The following ATF6B variants were observed in gnomAD, a reference collection of about 807,000 sequenced individuals.
ATF6B encodes cyclic AMP-dependent transcription factor ATF-6 beta.
Under a neutral mutation model 83.5 loss-of-function variants are expected in ATF6B, and 50 were observed. The ratio of observed to expected loss-of-function variants is 0.60; its 90% CI spans 0.48 to 0.76. The LOEUF is 0.76. Among genes scored for constraint, ATF6B ranks in the 30% least tolerant of loss-of-function variants. The probability of loss-of-function intolerance (pLI) is 0.00; values close to 1 mark genes in which losing one functional copy is unlikely to be tolerated. For missense variants in ATF6B, 790 were observed against 893.8 expected, an observed-to-expected ratio of 0.88 and a Z score of 1.48; for synonymous variants, 344 against 362.8, an observed-to-expected ratio of 0.95 and a Z score of 0.59.
intron 1 of ATF6B, 115 bp downstream of exon 1, chr6:32,128,002 C>G (rs745932042): frequency 2.9e-5 from 37 of 1,290,978 alleles, no homozygotes; most frequent in Non-Finnish European, 3.9e-5. Flanking sequence ...CTGCTCCGCT[C>G]TCCTTCAGAT....
intron 5 of ATF6B, 34 bp downstream of exon 5, chr6:32,126,083 A>G (rs1204270002): frequency 6.2e-7 from 1 of 1,613,546 alleles, no homozygotes; most frequent in South Asian, 1.1e-5. Flanking sequence ...CTCCCGTAGT[A>G]GAGCCAAGGA....
At chr6:32,124,537 A>G (rs964454591) in intron 5 of ATF6B, among the ~76,000 whole-genome samples, 1 of 151,988 alleles carries the variant, frequency 6.6e-6, no homozygotes, top group Non-Finnish European at 1.5e-5. Context: ...CTTCCTAATC[A>G]TATTACTTCC....
chr6:32,117,919 T>C lies in ATF6B; in HGVS notation c.1364A>G (p.Gln455Arg), dbSNP rs1203988334. 6.2e-7 allele frequency: 1 copy of C among 1,606,914 alleles called. No homozygotes were observed. Among genetic ancestry groups the C allele is most frequent in the East Asian group, 2.2e-5 (1 of 44,860 alleles). The change falls in exon 12 of 18, where the codon CAG becomes CGG. Residue 455 changes from glutamine (Q) to arginine (R), a missense_variant. This residue lies in a region of ATF6B where 530 missense variants were observed against 632.6 expected (regional missense o/e 0.84). Transcript: ENST00000375203. The surrounding 1 kb of genome is among the most constrained non-coding windows in gnomAD (Gnocchi z 5.0). ...CTCCTTAGGGCCCTGGGAGGACCCC[T>C]GGAGAGGTTCAACTCCCTGAACTGG... Reference protein sequence around the residue: ...QEPVQGVEPLQGSSQGPKEPQ... With the variant: ...QEPVQGVEPLRGSSQGPKEPQ...
chr6:32,115,983 G>A lies in ATF6B; in HGVS notation c.1883-15C>T. 6.2e-7 allele frequency: 1 copy of A among 1,603,080 alleles called. No individual in the cohort carries two copies. The highest frequency in any genetic ancestry group is 8.5e-7 in the Non-Finnish European group (1 of 1,171,510). ...TGACAGGGTCTCTGTGAGAAGGGGA[G>A]AGTTAAGGAAGAGGAGATGGGGAGG... On this transcript the variant is annotated splice_polypyrimidine_tract_variant and intron_variant, in intron 17 of 17. Transcript: ENST00000375203.
Position 32,123,981 on chromosome 6 carries a change from A to C in ATF6B, c.478+2136T>G, listed in dbSNP as rs1389909621. ...GCACTTTGGGAGCCAAAGTGGGTGG[A>C]TCACCTGAGGTCGGGAATTCAAGAC... is the stretch of plus-strand genomic sequence containing the variant. On this transcript the variant is annotated intron_variant, in intron 5 of 17. Coordinates refer to ENST00000375203, the MANE Select transcript of ATF6B (RefSeq NM_004381.5). Among the ~76,000 whole-genome samples the C allele has an allele frequency of 2.6e-5, 4 of 152,156 alleles. No individual in the cohort carries two copies. In the East Asian group the frequency reaches 7.7e-4, roughly 29 times the overall value.
chr6:32,116,961 A>G lies in ATF6B; in HGVS notation c.1685+76T>C. 1.9e-6 allele frequency: 3 copies of G among 1,559,532 alleles called. No individual in the cohort carries two copies. The highest frequency in any genetic ancestry group is 2.6e-6 in the Non-Finnish European group (3 of 1,132,328). ...CCCACTGGTGACAGTAATGACAGGC[A>G]CAGGACAGCTACTGGGGGTACAGCT... On this transcript the variant is annotated intron_variant, in intron 15 of 17. Transcript: ENST00000375203. This position sits in a 1 kb window ranked among gnomAD's most constrained non-coding sequence, Gnocchi z 5.1.
chr6:32,117,598 A>G lies in ATF6B; in HGVS notation c.1521T>C (p.Thr507=). ...AATGAATCCCACACCTCAGGGACTCAGTGCGGTTGAAGTGCCGGCAATCAG... is the reference window on the plus strand; with the variant it reads ...AATGAATCCCACACCTCAGGGACTCGGTGCGGTTGAAGTGCCGGCAATCAG... ...LSSDCRHFNR[T]ESLRLADELS... Residue 507 remains threonine, a synonymous_variant, in exon 13 of 18, where the codon ACT becomes ACC. Transcript: ENST00000375203. The surrounding 1 kb of genome is among the most constrained non-coding windows in gnomAD (Gnocchi z 5.0). 6.2e-7 allele frequency: 1 copy of G among 1,614,048 alleles called. No homozygotes were observed. The highest frequency in any genetic ancestry group is 8.5e-7 in the Non-Finnish European group (1 of 1,179,930).
rs1391936063 is a variant in ATF6B at position 32,127,201 on chromosome 6, G to A, written c.251-7C>T. On this transcript the variant is annotated splice_region_variant and splice_polypyrimidine_tract_variant and intron_variant, in intron 3 of 17. Transcript: ENST00000375203. The stretch of plus-strand genomic sequence containing the variant: ...TCAGACTTCACCTGAAGATCTGGAG[G>A]AAAGGGAGTTAGAAATTATCAGGAA... The A allele has an allele frequency of 4.4e-6, 7 of 1,603,450 alleles. No individual in the cohort carries two copies. Among genetic ancestry groups the A allele is most frequent in the Non-Finnish European group, 2.6e-6 (3 of 1,174,806 alleles).
rs755489767 is a variant in ATF6B, at chr6:32,115,438, C to T, written c.*301G>A. The T allele has an allele frequency of 4.9e-5, 11 of 223,642 alleles. No homozygotes were observed. The highest frequency in any genetic ancestry group is 7.6e-5 in the Non-Finnish European group (9 of 117,676). 13.9% of individuals were successfully genotyped at this position (223,642 alleles called of 1,614,324 possible). On this transcript the variant is annotated 3_prime_UTR_variant, in exon 18 of 18. Transcript: ENST00000375203. ...AATTCCCACCTCCACTGCCATAACA[C>T]TAGAGAAACAAAATAAAAAATATGC...
intron 1 of ATF6B, 23 bp from the exon 2 acceptor site, chr6:32,127,773 G>C: frequency 6.2e-7 from 1 of 1,613,284 alleles, no homozygotes; most frequent in Admixed American, 1.7e-5. Context: ...CTGAGCGTCG[G>C]GGGGTCGTTC....
In ATF6B at chr6:32,116,625, C is replaced by G. The variant is rs537291016; in HGVS notation, c.1798-61G>C. The G allele has an allele frequency of 3.9e-5, 63 of 1,603,326 alleles. No homozygotes were observed. The South Asian group carries it at 6.1e-4, about 15-fold the overall frequency. On this transcript the variant is annotated intron_variant, in intron 16 of 17. Transcript: ENST00000375203. The surrounding 1 kb of genome is among the most constrained non-coding windows in gnomAD (Gnocchi z 5.1). ...GCAAAGATGCCAACAAGCTCCCCAG[C>G]CCTACTCTACATCCCCCCACTGAAG...
chr6:32,128,019 T>A, intron 1 of ATF6B, 98 bp downstream of exon 1: 2 of 1,428,422 alleles, frequency 1.4e-6, no homozygotes, highest in Non-Finnish European at 1.9e-6. Flanking sequence ...AGATGGCGGA[T>A]TCCGTATTTG....
rs769053561 is a variant in ATF6B, at chr6:32,119,081, G to A, written c.1027C>T (p.Arg343Trp). The A allele has an allele frequency of 1.9e-6, 3 of 1,613,536 alleles. No individual in the cohort carries two copies. The highest frequency in any genetic ancestry group is 2.5e-6 in the Non-Finnish European group (3 of 1,179,918). ...IKNRESACQS[R>W]RKKKEYLQGL... ...TGCAGATACTCTTTCTTCTTTCTCC[G>A]GGACTGGCAGGCTGACTCCCGGTTC... The change falls in exon 10 of 18, where the codon CGG becomes TGG. Residue 343 changes from arginine to tryptophan, a missense_variant. Coordinates refer to ENST00000375203, the MANE Select transcript of ATF6B (RefSeq NM_004381.5). This position sits in a 1 kb window ranked among gnomAD's most constrained non-coding sequence, Gnocchi z 4.9.
In ATF6B at chr6:32,116,615, A is replaced by T. The variant is rs1461872482; in HGVS notation, c.1798-51T>A. 3 of 1,598,988 alleles carry T rather than the reference A, an allele frequency of 1.9e-6. No individual in the cohort carries two copies. Among genetic ancestry groups the T allele is most frequent in the Non-Finnish European group, 2.6e-6 (3 of 1,168,420 alleles). ...AAGGGTGGAGGCAAAGATGCCAACA[A>T]GCTCCCCAGCCCTACTCTACATCCC... is the stretch of plus-strand genomic sequence containing the variant. On this transcript the variant is annotated intron_variant, in intron 16 of 17. Coordinates refer to ENST00000375203, the MANE Select transcript of ATF6B (RefSeq NM_004381.5). The surrounding 1 kb of genome is among the most constrained non-coding windows in gnomAD (Gnocchi z 5.1).
At position 32,125,391 on chromosome 6, in the gene ATF6B, A is replaced by G. The variant is rs911680225; in HGVS notation, c.478+726T>C. Among the ~76,000 whole-genome samples the G allele has an allele frequency of 3.3e-5, 5 of 152,246 alleles. No homozygotes were observed. Among genetic ancestry groups the G allele is most frequent in the African/African-American group, 9.6e-5 (4 of 41,466 alleles). ...GCTACGAGTAAATAAACTTGGGAACACTTTAAAAATAGAACAAATAATGTT... is the reference window on the plus strand; with the variant it reads ...GCTACGAGTAAATAAACTTGGGAACGCTTTAAAAATAGAACAAATAATGTT... On this transcript the variant is annotated intron_variant, in intron 5 of 17. Transcript: ENST00000375203. This position sits in a 1 kb window ranked among gnomAD's most constrained non-coding sequence, Gnocchi z 4.1.
rs1781611921 is a variant in ATF6B, at chr6:32,118,264, C to G, written c.1245-226G>C. 6.6e-6 allele frequency among the ~76,000 whole-genome samples: 1 copy of G among 152,168 alleles called. No individual in the cohort carries two copies. The highest frequency in any genetic ancestry group is 2.1e-4 in the South Asian group (1 of 4,832). Reference sequence around the variant, plus strand: ...ACTTAATAGTCACTATTTCTACCAGCATTATCACCATCATCTACTCTCCAC... The same window carrying G: ...ACTTAATAGTCACTATTTCTACCAGGATTATCACCATCATCTACTCTCCAC... On this transcript the variant is annotated intron_variant, in intron 11 of 17. Coordinates refer to ENST00000375203, the MANE Select transcript of ATF6B (RefSeq NM_004381.5). The surrounding 1 kb of genome is among the most constrained non-coding windows in gnomAD (Gnocchi z 5.2).
At position 32,117,612 on chromosome 6, in the gene ATF6B, G is replaced by C; in HGVS notation, c.1507C>G (p.His503Asp). ...CTCAGGGACTCAGTGCGGTTGAAGT[G>C]CCGGCAATCAGAGGAGAGGAAGAGC... ...DQLFLSSDCR[H>D]FNRTESLRLA... The change falls in exon 13 of 18, where the codon CAC becomes GAC. Residue 503 changes from histidine to aspartate, a missense_variant. Physicochemically the swap from His to Asp is moderately conservative, Grantham distance 81 (BLOSUM62 -1). Around this residue, in one of 3 missense-constraint regions of ATF6B, gnomAD observed 530 missense variants for 632.6 expected, o/e 0.84. Coordinates refer to ENST00000375203, the MANE Select transcript of ATF6B (RefSeq NM_004381.5). The surrounding 1 kb of genome is among the most constrained non-coding windows in gnomAD (Gnocchi z 5.0). 1 of 1,614,178 alleles carries C rather than the reference G, an allele frequency of 6.2e-7. No homozygotes were observed. Among genetic ancestry groups the C allele is most frequent in the Non-Finnish European group, 8.5e-7 (1 of 1,180,010 alleles).
chr6:32,120,706 C>T (rs556811938), intron 8 of ATF6B, 65 bp downstream of exon 8: 14 of 1,565,644 alleles, frequency 8.9e-6, no homozygotes, highest in Non-Finnish European at 1.1e-5. Context: ...CCGCCTCAGC[C>T]TCCCAAAGTG....
At position 32,116,791 on chromosome 6, in the gene ATF6B, T is replaced by C. The variant is rs763947131; in HGVS notation, c.1710A>G (p.Leu570=). ...GCTGCGAACGGTCTGGGTGGCGATA[T>C]AGTTGCAGCTGGCCCACAGAATCCC... ...PERDSVGQLQ[L]YRHPDRSQPA... is the part of the protein sequence containing the mutation. Residue 570 remains leucine, a synonymous_variant, in exon 16 of 18, where the codon CTA becomes CTG. Coordinates refer to ENST00000375203, the MANE Select transcript of ATF6B (RefSeq NM_004381.5). The surrounding 1 kb of genome is among the most constrained non-coding windows in gnomAD (Gnocchi z 5.1). 5.0e-6 allele frequency: 8 copies of C among 1,614,072 alleles called. No homozygotes were observed. The highest frequency in any genetic ancestry group is 5.9e-6 in the Non-Finnish European group (7 of 1,180,002).
Sources: gnomAD v4.1 joint callset for allele counts (sites outside exome capture counted in the v4.1 genomes callset) on GRCh38, gnomAD v4.1.1 for gene constraint, gnomAD v4.1.1 regional missense constraint, Gnocchi (gnomAD v3.1) non-coding constraint, MANE v1.5 for transcripts, NCBI Gene and HGNC (gene_info 2026-07-23, HGNC 2026-07-21) for gene names.